The following ZNF567 variants were observed in gnomAD, a reference collection of about 807,000 sequenced individuals.
The protein encoded by ZNF567 is zinc finger protein 567.
In ZNF567, 36 loss-of-function variants were observed where a neutral mutation model predicts 53.9. The observed-to-expected ratio is 0.67, with a 90% confidence interval of 0.51 to 0.88. The LOEUF (loss-of-function observed/expected upper bound fraction) is 0.88, where lower values mean the gene tolerates loss of function less well. Ranked by LOEUF, ZNF567 falls within the 40% of genes least tolerant of loss-of-function variation. The pLI is 0.00. For synonymous variants in ZNF567, 224 were observed against 260.4 expected, an observed-to-expected ratio of 0.86 and a Z score of 1.35; for missense variants, 619 against 764.7, an observed-to-expected ratio of 0.81 and a Z score of 2.25.
At position 36,719,166 on chromosome 19, in the gene ZNF567, A is replaced by G. The variant is rs770356788; in HGVS notation, c.442A>G (p.Ile148Val). 1 of 1,612,398 alleles carries G rather than the reference A, an allele frequency of 6.2e-7. No homozygotes were observed. The highest frequency in any genetic ancestry group is 8.5e-7 in the Non-Finnish European group (1 of 1,179,598). Residue 148 changes from isoleucine to valine, a missense_variant, in exon 6 of 6, where the codon ATC becomes GTC. Transcript: ENST00000682579. ...GRILKNVSEL[I>V]ISNLNPARKR... is the part of the protein sequence containing the mutation. ...GATTTTGAAAAATGTTTCAGAATTA[A>G]TCATCAGTAATCTAAATCCTGCAAG...
At position 36,719,719 on chromosome 19, in the gene ZNF567, C is replaced by G. The variant is rs1406537835; in HGVS notation, c.995C>G (p.Thr332Arg). 1 of 1,614,130 alleles carries G rather than the reference C, an allele frequency of 6.2e-7. No individual in the cohort carries two copies. The highest frequency in any genetic ancestry group is 2.2e-5 in the East Asian group (1 of 44,850). ...TALTDHQRTH[T>R]GEKSYECLQC... ...CTCACTGATCATCAGAGAACACACA[C>G]AGGGGAGAAATCGTATGAATGTCTG... Residue 332 changes from threonine to arginine, a missense_variant, in exon 6 of 6, where the codon ACA becomes AGA. Coordinates refer to ENST00000682579, the MANE Select transcript of ZNF567 (RefSeq NM_001322917.1).
At chr19:36,715,899 A>G (rs940790467) in intron 5 of ZNF567, among the ~76,000 whole-genome samples, 5 of 152,132 alleles carry the variant, frequency 3.3e-5, no homozygotes, top group Non-Finnish European at 7.3e-5. Context: ...TTTCTTATGG[A>G]TCTCTTCACA....
intron 3 of ZNF567, among the ~76,000 whole-genome samples, chr19:36,697,921 T>C (rs1440012852): frequency 1.1e-5 from 1 of 91,636 alleles, no homozygotes; most frequent in Non-Finnish European, 2.6e-5. Context: ...GGAATTTCTT[T>C]TTTTTTTTTT....
the ZNF567 span, among the ~76,000 whole-genome samples, chr19:36,672,641 C>T: frequency 0.37 from 56,747 of 152,064 alleles, 10,859 homozygotes; most frequent in East Asian, 0.6. Flanking sequence ...CCAACATTGG[C>T]TCCCCAATAT....
chr19:36,695,044 A>C (rs563873319), intron 3 of ZNF567, among the ~76,000 whole-genome samples, 168 bp downstream of exon 3: 1 of 151,692 alleles, frequency 6.6e-6, no homozygotes, highest in South Asian at 2.1e-4. Flanking sequence ...ACCTTCCACA[A>C]ATGCTCCCAA....
chr19:36,698,877 TTCTC>T (rs906593195), intron 3 of ZNF567, among the ~76,000 whole-genome samples: 58 of 152,326 alleles, frequency 3.8e-4, no homozygotes, highest in African/African-American at 1.3e-3. Context: ...AGGTTGCCTG[TTCTC>T]TCTGATGGTA....
downstream of ZNF567, among the ~76,000 whole-genome samples, chr19:36,724,004 CTTTTTTTTTTTT>C (rs536627641): frequency 2.0e-5 from 2 of 98,384 alleles, no homozygotes; most frequent in Non-Finnish European, 3.9e-5. Context: ...TTCTGTATTT[CTTTTTTTTTTTT>C]TTTTTTTTTG....
At chr19:36,697,194 T>C (rs1031620175) in intron 3 of ZNF567, among the ~76,000 whole-genome samples, 1 of 152,208 alleles carries the variant, frequency 6.6e-6, no homozygotes, top group Non-Finnish European at 1.5e-5. Flanking sequence ...TTCCTTTCAG[T>C]GTACCAGTCT....
chr19:36,720,411 T>C lies in ZNF567; in HGVS notation c.1687T>C (p.Cys563Arg), dbSNP rs2040258449. The C allele has an allele frequency of 1.2e-6, 2 of 1,614,018 alleles. No individual in the cohort carries two copies. The highest frequency in any genetic ancestry group is 1.7e-6 in the Non-Finnish European group (2 of 1,180,036). ...KIHTGQKSYECPQCGKAFSRK... is the reference protein window; with the variant it reads ...KIHTGQKSYERPQCGKAFSRK... ...ACATACCGGCCAGAAATCCTATGAA[T>C]GTCCTCAGTGTGGGAAAGCCTTTAG... The change falls in exon 6 of 6, where the codon TGT becomes CGT. Residue 563 changes from cysteine to arginine, a missense_variant. By Grantham distance (180) the Cys-to-Arg change is radical. Transcript: ENST00000682579.
downstream of ZNF567, among the ~76,000 whole-genome samples, chr19:36,722,405 G>A (rs142657800): frequency 0.041 from 6,236 of 152,078 alleles, 180 homozygotes; most frequent in Middle Eastern, 0.058. Context: ...GGGTTCAAAC[G>A]ATTCTCCTAC....
intron 3 of ZNF567, among the ~76,000 whole-genome samples, chr19:36,704,059 A>T (rs1010045835): frequency 3.9e-5 from 6 of 152,108 alleles, no homozygotes; most frequent in African/African-American, 9.7e-5. Flanking sequence ...AGCTGTTCCT[A>T]TTTGGCCTGG....
At chr19:36,695,712 A>G (rs2038852136) in intron 3 of ZNF567, among the ~76,000 whole-genome samples, 1 of 149,462 alleles carries the variant, frequency 6.7e-6, no homozygotes, top group Non-Finnish European at 1.5e-5. Flanking sequence ...AAAAAAAAAT[A>G]GTGGATATAT....
rs2038794545 is a variant in ZNF567 at position 36,694,804 on chromosome 19, A to G, written c.-64A>G. 4 of 1,478,098 alleles carry G rather than the reference A, an allele frequency of 2.7e-6. No homozygotes were observed. The South Asian group carries it at 5.2e-5, about 19-fold the overall frequency. The allele number at this position is 1,478,098 out of a possible 1,614,324, so 91.6% of individuals were successfully genotyped here. A position where few individuals can be genotyped will look rare whatever the true frequency, so the allele number is the denominator to read the frequency against. On this transcript the variant is annotated splice_region_variant and 5_prime_UTR_variant, in exon 3 of 6. Coordinates refer to ENST00000682579, the MANE Select transcript of ZNF567 (RefSeq NM_001322917.1). Reference sequence around the variant, plus strand: ...TTGTCTCGGCTTTGCCTCCTTAGGAACTGCCTCTTTTCTAAAGAGGACTCC... The same window carrying G: ...TTGTCTCGGCTTTGCCTCCTTAGGAGCTGCCTCTTTTCTAAAGAGGACTCC...
chr19:36,706,500 C>T (rs1416714806), intron 3 of ZNF567, among the ~76,000 whole-genome samples: 1 of 152,020 alleles, frequency 6.6e-6, no homozygotes, highest in Non-Finnish European at 1.5e-5. Flanking sequence ...CACCATGTTG[C>T]CTAGGCTGGT....
chr19:36,722,579 C>T (rs1344672493), downstream of ZNF567, among the ~76,000 whole-genome samples: 2 of 152,156 alleles, frequency 1.3e-5, no homozygotes, highest in South Asian at 2.1e-4. Context: ...GGATTACAGG[C>T]GTGAGCCACC....
At chr19:36,691,928 A>G (rs970539203) in intron 2 of ZNF567, among the ~76,000 whole-genome samples, 18 of 152,212 alleles carry the variant, frequency 1.2e-4, no homozygotes, top group African/African-American at 4.3e-4. Flanking sequence ...GATTACAGGC[A>G]TGAGCTCAGT....
intron 5 of ZNF567, among the ~76,000 whole-genome samples, chr19:36,714,800 T>G (rs1381545994): frequency 1.3e-5 from 2 of 152,228 alleles, no homozygotes; most frequent in East Asian, 3.9e-4. Flanking sequence ...TATTTACAAC[T>G]TGGCCTGTTT....
At chr19:36,726,180 G>A (rs1042417806), downstream of ZNF567, among the ~76,000 whole-genome samples, 16 of 152,082 alleles carry the variant, frequency 1.1e-4, no homozygotes, top group Admixed American at 7.2e-4. Context: ...TTGAGATATT[G>A]TATCTCATTT....
chr19:36,723,397 G>C (rs1411676815), downstream of ZNF567: 1 of 601,870 alleles, frequency 1.7e-6, no homozygotes, highest in African/African-American at 1.9e-5. Flanking sequence ...TCATGAAATA[G>C]CCATGTACTG....
Sources: allele counts gnomAD v4.1 joint callset (sites outside exome capture counted in the v4.1 genomes callset), GRCh38; gene constraint gnomAD v4.1.1; transcripts MANE v1.5; gene names NCBI Gene and HGNC (gene_info 2026-07-23, HGNC 2026-07-21).